Variants in PSMD11 observed in about 807,000 individuals in gnomAD.
PSMD11 encodes the protein proteasome 26S subunit, non-ATPase 11.
In PSMD11, 5 loss-of-function variants were observed where a neutral mutation model predicts 62.3. The observed-to-expected ratio is 0.08, with a 90% CI of 0.04 to 0.17. The LOEUF is 0.17. Among genes scored for constraint, PSMD11 ranks in the 10% least tolerant of loss-of-function variants. PSMD11 has a pLI of 1.00. For synonymous variants in PSMD11, 191 were observed against 191.8 expected, an observed-to-expected ratio of 1.00 and a Z score of 0.03; for missense variants, 310 against 512.9, an observed-to-expected ratio of 0.60 and a Z score of 3.82.
rs141066939 is a variant in PSMD11 at position 32,452,863 on chromosome 17, G to C, written c.194-1632G>C. Among the ~76,000 whole-genome samples the C allele has an allele frequency of 4.8e-3, 733 of 152,288 alleles. 5 individuals carry two copies. Among genetic ancestry groups the C allele is most frequent in the African/African-American group, 0.016 (648 of 41,550 alleles). ...ACAAGTAGTACCTTTACAAAGTAGAGTTTGTTCAGAGGAGAGCAACTAAGT... is the reference window on the plus strand; with the variant it reads ...ACAAGTAGTACCTTTACAAAGTAGACTTTGTTCAGAGGAGAGCAACTAAGT... On this transcript the variant is annotated intron_variant, in intron 2 of 13. Coordinates refer to ENST00000261712, the MANE Select transcript of PSMD11 (RefSeq NM_002815.4).
Position 32,464,679 on chromosome 17 carries a change from T to C in PSMD11, c.448+101T>C, listed in dbSNP as rs1039645031. 3 of 890,022 alleles carry C rather than the reference T, an allele frequency of 3.4e-6. No homozygotes were observed. The African/African-American group carries it at 5.1e-5, about 15-fold the overall frequency. 55.1% of individuals were successfully genotyped at this position (890,022 alleles called of 1,614,324 possible). A position where few individuals can be genotyped will look rare whatever the true frequency, so the allele number is the denominator to read the frequency against. On this transcript the variant is annotated intron_variant, in intron 5 of 13. Transcript: ENST00000261712. ...TACCTGTTAATAATTTATATTCTAC[T>C]GACTTCTAAGAAGGATTTAAAGTAG...
intron 5 of PSMD11, among the ~76,000 whole-genome samples, chr17:32,467,568 A>G (rs1284179900): frequency 1.3e-5 from 2 of 152,274 alleles, no homozygotes; most frequent in East Asian, 3.9e-4. Context: ...ATGTCTTCAG[A>G]TAAATATTCA....
chr17:32,456,187 T>A (rs1907645320), intron 3 of PSMD11, among the ~76,000 whole-genome samples: 1 of 151,890 alleles, frequency 6.6e-6, no homozygotes, highest in Non-Finnish European at 1.5e-5. Flanking sequence ...ATACCATTCT[T>A]TGTTTGAAAT....
chr17:32,468,086 A>G (rs1908048686), intron 5 of PSMD11, among the ~76,000 whole-genome samples: 1 of 152,218 alleles, frequency 6.6e-6, no homozygotes, highest in South Asian at 2.1e-4. Context: ...TTTGCTAAGG[A>G]TAATAGCCTC....
chr17:32,454,946 T>A, intron 3 of PSMD11: 1 of 226,456 alleles, frequency 4.4e-6, no homozygotes, highest in Non-Finnish European at 8.8e-6. Context: ...GTCACAAAGC[T>A]CCTTCTGAGC....
chr17:32,480,027 C>T, intron 11 of PSMD11, 119 bp from the exon 12 acceptor site: 1 of 1,475,286 alleles, frequency 6.8e-7, no homozygotes, highest in Non-Finnish European at 9.5e-7. Context: ...GTAGGAGTTG[C>T]ATTGTTGCTA....
chr17:32,465,656 A>G (rs1207421511), intron 5 of PSMD11, among the ~76,000 whole-genome samples: 1 of 152,138 alleles, frequency 6.6e-6, no homozygotes, highest in Non-Finnish European at 1.5e-5. Context: ...ACTAAGTTGT[A>G]CAACCATCAC....
chr17:32,465,211 T>G (rs1178372561), intron 5 of PSMD11, among the ~76,000 whole-genome samples: 1 of 152,006 alleles, frequency 6.6e-6, no homozygotes, highest in African/African-American at 2.4e-5. Flanking sequence ...ACCTCTGCCT[T>G]TCAGGTTCAA....
chr17:32,473,232 C>T (rs1487875381), intron 6 of PSMD11, among the ~76,000 whole-genome samples: 1 of 151,598 alleles, frequency 6.6e-6, no homozygotes, highest in African/African-American at 2.4e-5. Context: ...ATCCTCCTGC[C>T]TCAGCCTCTC....
Position 32,482,648 on chromosome 17 carries a change from G to C in PSMD11, c.*1896G>C, listed in dbSNP as rs1302687391. On this transcript the variant is annotated 3_prime_UTR_variant, in exon 14 of 14. Transcript: ENST00000261712. ...TGTAAGTTTGGGCAGTAGATCCTCTGAGCCTACTTTCTCTTCTACTCAGTG... is the reference window on the plus strand; with the variant it reads ...TGTAAGTTTGGGCAGTAGATCCTCTCAGCCTACTTTCTCTTCTACTCAGTG... The C allele has an allele frequency of 6.6e-6, 1 of 152,278 alleles. No homozygotes were observed. The highest frequency in any genetic ancestry group is 1.5e-5 in the Non-Finnish European group (1 of 68,098). 9.4% of individuals were successfully genotyped at this position (152,278 alleles called of 1,614,324 possible).
rs781659070 is a variant in PSMD11 at position 32,473,794 on chromosome 17, T to C, written c.644-7T>C. ...TATGTTCTTATTCCTTTCTTTTCAA[T>C]GCCCAGGTATTATCCATGCAGCAGA... On this transcript the variant is annotated splice_polypyrimidine_tract_variant and splice_region_variant and intron_variant, in intron 6 of 13. Transcript: ENST00000261712. 13 of 1,612,802 alleles carry C rather than the reference T, an allele frequency of 8.1e-6. No individual in the cohort carries two copies. Among genetic ancestry groups the C allele is most frequent in the Non-Finnish European group, 1.1e-5 (13 of 1,179,090 alleles).
intron 3 of PSMD11, 103 bp downstream of exon 3, chr17:32,454,722 GGGA>G (rs1226904263): frequency 7.8e-7 from 1 of 1,282,182 alleles, no homozygotes; most frequent in African/African-American, 1.5e-5. Flanking sequence ...AGGGAAAACT[GGGA>G]GGACAGCGCA....
At chr17:32,454,778 A>G in intron 3 of PSMD11, 159 bp downstream of exon 3, 1 of 752,454 alleles carries the variant, frequency 1.3e-6, no homozygotes, top group Non-Finnish European at 2.1e-6. Context: ...GGCATTTGAT[A>G]CTTTGGGTCT....
At chr17:32,457,925 C>G (rs1413323681) in intron 3 of PSMD11, among the ~76,000 whole-genome samples, 8 of 151,930 alleles carry the variant, frequency 5.3e-5, no homozygotes, top group Non-Finnish European at 1.5e-5. Context: ...CTCAGCCTCC[C>G]AAGTAGCTGG....
chr17:32,463,731 T>C (rs1907911364), intron 3 of PSMD11, among the ~76,000 whole-genome samples: 1 of 152,238 alleles, frequency 6.6e-6, no homozygotes, highest in African/African-American at 2.4e-5. Context: ...AAATTCCTAA[T>C]CTGTCATAGA....
intron 8 of PSMD11, chr17:32,476,619 C>T (rs1908329717): frequency 6.6e-6 from 1 of 152,168 alleles, no homozygotes; most frequent in Non-Finnish European, 1.5e-5. Flanking sequence ...GCTAATCTCC[C>T]AGAAAGATGA....
At position 32,472,949 on chromosome 17, in the gene PSMD11, A is replaced by G. The variant is rs1337407581; in HGVS notation, c.644-852A>G. ...GGCGGGTGGATCACTTGAGGTCAGG[A>G]GTTCAAGACTAGCCTGGCGAACATA... On this transcript the variant is annotated intron_variant, in intron 6 of 13. Transcript: ENST00000261712. Among the ~76,000 whole-genome samples the G allele has an allele frequency of 2.3e-4, 35 of 149,096 alleles. No homozygotes were observed. In the Middle Eastern group the frequency reaches 0.014, roughly 58 times the overall value.
rs759473750 is a variant in PSMD11 at position 32,469,009 on chromosome 17, G to C, written c.459G>C (p.Leu153=). The C allele has an allele frequency of 6.2e-7, 1 of 1,613,582 alleles. No individual in the cohort carries two copies. Among genetic ancestry groups the C allele is most frequent in the Non-Finnish European group, 8.5e-7 (1 of 1,179,810 alleles). ...CTTTTCCTTTTTCAGGTTCTCAGCT[G>C]CTGCGGGAGTTGAAAAAGATGGACG... ...YQEALHLGSQ[L]LRELKKMDDK... is the part of the protein sequence containing the mutation. Residue 153 remains leucine (L), a synonymous_variant, in exon 6 of 14, where the codon CTG becomes CTC. Coordinates refer to ENST00000261712, the MANE Select transcript of PSMD11 (RefSeq NM_002815.4).
At chr17:32,460,115 A>G (rs1907779611) in intron 3 of PSMD11, among the ~76,000 whole-genome samples, 1 of 152,158 alleles carries the variant, frequency 6.6e-6, no homozygotes, top group Non-Finnish European at 1.5e-5. Context: ...GTTGGGGTGC[A>G]GGGTGCAATC....
Sources: gnomAD v4.1 joint callset for allele counts (sites outside exome capture counted in the v4.1 genomes callset) on GRCh38, gnomAD v4.1.1 for gene constraint, MANE v1.5 for transcripts, NCBI Gene and HGNC (gene_info 2026-07-23, HGNC 2026-07-21) for gene names.